The following MAD1L1 variants were observed in gnomAD, a reference collection of about 807,000 sequenced individuals.
MAD1L1 encodes mitotic arrest deficient 1 like 1, also known as mitotic spindle assembly checkpoint protein MAD1.
In MAD1L1, 95 loss-of-function variants were observed where a neutral mutation model predicts 96.9. That is an observed-to-expected ratio of 0.98 (90% CI 0.83 to 1.16). The LOEUF (loss-of-function observed/expected upper bound fraction) is 1.16. MAD1L1 is among the 50% of genes most tolerant of loss of function. The pLI, the probability that MAD1L1 is intolerant of heterozygous loss-of-function variation, is 0.00. For missense variants in MAD1L1, 1,007 were observed against 954.4 expected (o/e 1.06, Z -0.73); for synonymous variants, 473 against 396.6 (o/e 1.19, Z -2.29).
At chr7:1,920,237 T>C (rs758505756) in intron 17 of MAD1L1, among the ~76,000 whole-genome samples, 1 of 150,854 alleles carries the variant, frequency 6.6e-6, no homozygotes, top group Non-Finnish European at 1.5e-5. Flanking sequence ...CATCTCCGTG[T>C]GCGTGCGTGC....
At chr7:2,101,909 G>A (rs532360520) in intron 11 of MAD1L1, among the ~76,000 whole-genome samples, 1 of 152,226 alleles carries the variant, frequency 6.6e-6, no homozygotes. Flanking sequence ...AAGGAGGAGT[G>A]CAGTCCAGTG....
intron 16 of MAD1L1, among the ~76,000 whole-genome samples, chr7:1,937,215 C>T (rs1778663096): frequency 6.6e-6 from 1 of 152,306 alleles, no homozygotes. Flanking sequence ...CAGAATTCCA[C>T]ACTCAGTGCC....
intron 10 of MAD1L1, among the ~76,000 whole-genome samples, chr7:2,169,189 C>T (rs1193207572): frequency 6.6e-6 from 1 of 152,166 alleles, no homozygotes; most frequent in Non-Finnish European, 1.5e-5. Context: ...CAGGCGGCTA[C>T]ACATTCGCCT....
intron 10 of MAD1L1, among the ~76,000 whole-genome samples, chr7:2,189,627 G>A (rs1791622743): frequency 6.6e-6 from 1 of 152,224 alleles, no homozygotes; most frequent in African/African-American, 2.4e-5. Flanking sequence ...AGAATGGTGG[G>A]TCCTAGAGCC....
At chr7:2,113,996 C>G (rs1479374787) in intron 11 of MAD1L1, among the ~76,000 whole-genome samples, 1 of 152,118 alleles carries the variant, frequency 6.6e-6, no homozygotes, top group South Asian at 2.1e-4. Flanking sequence ...GATCCTGGCA[C>G]AGAAAAAGGA....
chr7:1,833,727 G>A (rs1217854165), intron 18 of MAD1L1, among the ~76,000 whole-genome samples: 1 of 152,220 alleles, frequency 6.6e-6, no homozygotes, highest in Non-Finnish European at 1.5e-5. Context: ...GATCACCTGA[G>A]ATCAGGAGTT....
intron 13 of MAD1L1, among the ~76,000 whole-genome samples, chr7:2,009,512 G>T (rs1217515057): frequency 2.0e-5 from 3 of 152,216 alleles, no homozygotes; most frequent in African/African-American, 7.2e-5. Context: ...TGAAGAAGCA[G>T]GAGGCGGCAC....
chr7:2,098,477 C>T (rs927336861), intron 11 of MAD1L1, among the ~76,000 whole-genome samples: 14 of 152,346 alleles, frequency 9.2e-5, no homozygotes, highest in Admixed American at 9.1e-4. Flanking sequence ...CTCTCCCCTG[C>T]TGCCTGGGGT....
intron 18 of MAD1L1, among the ~76,000 whole-genome samples, chr7:1,887,825 GTGCATGTA>G (rs954432431): frequency 2.2e-4 from 13 of 58,672 alleles, no homozygotes; most frequent in Middle Eastern, 7.0e-3. Flanking sequence ...GTGTGCATGT[GTGCATGTA>G]TGTGGCGTCC....
At chr7:2,042,143 G>A (rs902473460) in intron 12 of MAD1L1, among the ~76,000 whole-genome samples, 5 of 148,910 alleles carry the variant, frequency 3.4e-5, no homozygotes, top group Non-Finnish European at 7.4e-5. Flanking sequence ...ACACGGACAT[G>A]CAGACATGCA....
At chr7:2,048,455 C>T (rs1033499150) in intron 12 of MAD1L1, among the ~76,000 whole-genome samples, 8 of 152,326 alleles carry the variant, frequency 5.3e-5, no homozygotes, top group Middle Eastern at 6.8e-3. Flanking sequence ...GTTACTCTGA[C>T]GAATGCCAGC....
intron 16 of MAD1L1, among the ~76,000 whole-genome samples, chr7:1,951,513 G>A (rs957830786): frequency 5.9e-5 from 9 of 152,272 alleles, no homozygotes; most frequent in East Asian, 1.9e-4. Context: ...AGTGCTGTGC[G>A]GCCACCACCA....
intron 18 of MAD1L1, among the ~76,000 whole-genome samples, chr7:1,873,598 C>A (rs551745992): frequency 6.6e-6 from 1 of 151,850 alleles, no homozygotes; most frequent in Non-Finnish European, 1.5e-5. Flanking sequence ...GGGGGCTCTG[C>A]GGTGGATGGA....
intron 9 of MAD1L1, among the ~76,000 whole-genome samples, chr7:2,213,994 G>A (rs1793123948): frequency 6.6e-6 from 1 of 152,260 alleles, no homozygotes; most frequent in African/African-American, 2.4e-5. Context: ...GCAAGTCAGT[G>A]AGGTATTCTC....
At chr7:1,943,805 C>T (rs949464682) in intron 16 of MAD1L1, among the ~76,000 whole-genome samples, 19 of 152,042 alleles carry the variant, frequency 1.2e-4, no homozygotes, top group African/African-American at 4.6e-4. Flanking sequence ...GTGTTCATAA[C>T]AGCCCCAAAG....
chr7:2,048,658 T>TC, intron 12 of MAD1L1, among the ~76,000 whole-genome samples: 1 of 151,752 alleles, frequency 6.6e-6, no homozygotes, highest in East Asian at 1.9e-4. Flanking sequence ...GGCCAAAAAG[T>TC]CCCCCTCCGC....
intron 17 of MAD1L1, among the ~76,000 whole-genome samples, chr7:1,907,222 A>G (rs1423747954): frequency 6.6e-6 from 1 of 152,046 alleles, no homozygotes; most frequent in Admixed American, 6.5e-5. Flanking sequence ...ACGGTCCCCC[A>G]GCTCCTGCCC....
intron 2 of MAD1L1, 102 bp from the exon 3 acceptor site, chr7:2,230,245 A>G (rs1188689633): frequency 2.4e-6 from 2 of 821,158 alleles, no homozygotes; most frequent in East Asian, 2.7e-5. Context: ...CCTAACGCAC[A>G]TTGGAGCTCA....
chr7:2,062,307 A>C (rs1180712347), intron 12 of MAD1L1, among the ~76,000 whole-genome samples: 1 of 150,154 alleles, frequency 6.7e-6, no homozygotes, highest in Non-Finnish European at 1.5e-5. Context: ...ACAGTGGCTC[A>C]CGCCTGTAAT....
Sources: gnomAD v4.1 joint callset for allele counts (sites outside exome capture counted in the v4.1 genomes callset) on GRCh38, gnomAD v4.1.1 for gene constraint, MANE v1.5 for transcripts, NCBI Gene and HGNC (gene_info 2026-07-23, HGNC 2026-07-21) for gene names.